KCNIP4: variants seen among roughly 807,000 people sequenced by gnomAD.
KCNIP4 encodes Kv channel-interacting protein 4.
Under a neutral mutation model 34.0 loss-of-function variants are expected in KCNIP4, and 12 were observed. That is an observed-to-expected ratio of 0.35 (90% confidence interval 0.23 to 0.57). KCNIP4 has a LOEUF of 0.57. KCNIP4 is among the 20% of genes least tolerant of loss of function. The probability of loss-of-function intolerance (pLI) is 0.83; values close to 1 mark genes in which losing one functional copy is unlikely to be tolerated. For missense variants in KCNIP4, 238 were observed against 311.7 expected (o/e 0.76, Z 1.78); for synonymous variants, 124 against 102.2 (o/e 1.21, Z -1.29).
At chr4:20,886,722 C>T (rs1474708124) in intron 1 of KCNIP4, among the ~76,000 whole-genome samples, 1 of 152,188 alleles carries the variant, frequency 6.6e-6, no homozygotes, top group Non-Finnish European at 1.5e-5. Flanking sequence ...TAGTGTATCA[C>T]TGAGGTAATA....
chr4:20,956,556 A>G (rs191325294), intron 1 of KCNIP4, among the ~76,000 whole-genome samples: 19 of 152,226 alleles, frequency 1.2e-4, no homozygotes, highest in Admixed American at 8.5e-4. Flanking sequence ...TTATGGCTTT[A>G]TTCATTTCTT....
At chr4:21,703,182 G>T (rs968412466) in intron 1 of KCNIP4, among the ~76,000 whole-genome samples, 3 of 152,064 alleles carry the variant, frequency 2.0e-5, no homozygotes, top group African/African-American at 7.2e-5. Context: ...TTCACCCAAA[G>T]ATAAGGATCA....
chr4:21,275,636 G>A (rs1762392064), intron 1 of KCNIP4, among the ~76,000 whole-genome samples: 1 of 151,676 alleles, frequency 6.6e-6, no homozygotes, highest in Admixed American at 6.6e-5. Context: ...TCTGAGCAAG[G>A]AAATCTAGCA....
intron 1 of KCNIP4, among the ~76,000 whole-genome samples, chr4:21,357,969 C>T (rs1339019198): frequency 6.6e-6 from 1 of 152,124 alleles, no homozygotes; most frequent in Non-Finnish European, 1.5e-5. Flanking sequence ...CACATATACA[C>T]CATGGAATAC....
chr4:21,441,576 A>C (rs527933583), intron 1 of KCNIP4, among the ~76,000 whole-genome samples: 27 of 152,296 alleles, frequency 1.8e-4, no homozygotes, highest in African/African-American at 6.5e-4. Flanking sequence ...AGAATTAGGC[A>C]AATTATATTA....
intron 1 of KCNIP4, among the ~76,000 whole-genome samples, chr4:21,469,700 A>G (rs1301549918): frequency 6.6e-6 from 1 of 152,124 alleles, no homozygotes; most frequent in African/African-American, 2.4e-5. Context: ...CCACTGAAAT[A>G]CCAGGATTCT....
At chr4:21,476,603 G>A (rs540946226) in intron 1 of KCNIP4, among the ~76,000 whole-genome samples, 93 of 152,222 alleles carry the variant, frequency 6.1e-4, no homozygotes, top group African/African-American at 2.1e-3. Flanking sequence ...TGTTATTTGA[G>A]CCACCTAGCC....
intron 1 of KCNIP4, among the ~76,000 whole-genome samples, chr4:20,985,592 A>G (rs749803198): frequency 6.6e-5 from 10 of 152,214 alleles, no homozygotes; most frequent in African/African-American, 1.2e-4. Flanking sequence ...TTAAGCTGCT[A>G]CTATGAGCTA....
chr4:21,543,194 T>A (rs1737848581), intron 1 of KCNIP4, among the ~76,000 whole-genome samples: 2 of 152,086 alleles, frequency 1.3e-5, no homozygotes, highest in South Asian at 4.1e-4. Flanking sequence ...TATTTTTCTA[T>A]CTTCTATACT....
intron 1 of KCNIP4, among the ~76,000 whole-genome samples, chr4:21,540,280 A>G (rs1503985): frequency 0.36 from 55,214 of 152,030 alleles, 10,321 homozygotes; most frequent in South Asian, 0.52. Context: ...AAATATTTAA[A>G]AGAAGAAGTT....
intron 1 of KCNIP4, among the ~76,000 whole-genome samples, chr4:21,513,891 G>A (rs1232560028): frequency 6.6e-6 from 1 of 152,174 alleles, no homozygotes; most frequent in African/African-American, 2.4e-5. Flanking sequence ...CCTGAAGGTA[G>A]GAGAAGGATT....
At chr4:21,842,233 C>T (rs1723729605) in intron 1 of KCNIP4, among the ~76,000 whole-genome samples, 1 of 151,932 alleles carries the variant, frequency 6.6e-6, no homozygotes, top group South Asian at 2.1e-4. Context: ...TTTTAAATGC[C>T]TACCATATAT....
At chr4:21,823,225 C>T (rs1029256402) in intron 1 of KCNIP4, among the ~76,000 whole-genome samples, 1 of 151,918 alleles carries the variant, frequency 6.6e-6, no homozygotes, top group African/African-American at 2.4e-5. Context: ...CATACAAGAG[C>T]TACTGCTGAC....
At chr4:21,365,382 G>A (rs1719642524) in intron 1 of KCNIP4, among the ~76,000 whole-genome samples, 1 of 151,782 alleles carries the variant, frequency 6.6e-6, no homozygotes, top group African/African-American at 2.4e-5. Flanking sequence ...CTACTCTGGA[G>A]GCTGAGACAT....
rs556728693 is a variant in KCNIP4, at chr4:21,826,258, T to C, written c.61+122313A>G. On this transcript the variant is annotated intron_variant, in intron 1 of 8. Transcript: ENST00000382152. The stretch of plus-strand genomic sequence containing the variant: ...TTACATGGGGATTTTGCCTGCCTAC[T>C]CGACTTCGGTAATCCACCATATGAA... Among the ~76,000 whole-genome samples the C allele has an allele frequency of 1.2e-4, 19 of 152,278 alleles. No individual in the cohort carries two copies. The South Asian group carries it at 2.3e-3, about 18-fold the overall frequency.
intron 1 of KCNIP4, among the ~76,000 whole-genome samples, chr4:21,309,907 A>C (rs754074239): frequency 9.9e-5 from 15 of 152,222 alleles, no homozygotes; most frequent in Non-Finnish European, 2.2e-4. Flanking sequence ...GAATCGAACT[A>C]AGATCAGCTT....
At chr4:21,781,815 A>G (rs1276619423) in intron 1 of KCNIP4, among the ~76,000 whole-genome samples, 2 of 152,094 alleles carry the variant, frequency 1.3e-5, no homozygotes, top group Non-Finnish European at 2.9e-5. Context: ...AATGGTGGGG[A>G]GTAAATGGGC....
At chr4:21,506,318 A>G (rs543502455) in intron 1 of KCNIP4, among the ~76,000 whole-genome samples, 1 of 152,280 alleles carries the variant, frequency 6.6e-6, no homozygotes, top group African/African-American at 2.4e-5. Flanking sequence ...GACATTGGAG[A>G]AGGCATTCAG....
chr4:21,819,510 T>C (rs540564417), intron 1 of KCNIP4, among the ~76,000 whole-genome samples: 2 of 152,310 alleles, frequency 1.3e-5, no homozygotes, highest in African/African-American at 4.8e-5. Flanking sequence ...GACATTAAGT[T>C]TGGTGAATGC....
Sources: allele counts gnomAD v4.1 joint callset (sites outside exome capture counted in the v4.1 genomes callset), GRCh38; gene constraint gnomAD v4.1.1; transcripts MANE v1.5; gene names NCBI Gene and HGNC (gene_info 2026-07-23, HGNC 2026-07-21).